Variants in FCHSD2 observed in about 807,000 individuals in gnomAD.
FCHSD2 encodes the protein FCH and double SH3 domains 2.
In FCHSD2, 38 loss-of-function variants were observed where a neutral mutation model predicts 108.1. That is an observed-to-expected ratio of 0.35 (90% CI 0.27 to 0.46). The LOEUF (loss-of-function observed/expected upper bound fraction) is 0.46, where lower values mean the gene tolerates loss of function less well. FCHSD2 is among the 20% of genes least tolerant of loss of function. The pLI, the probability that FCHSD2 is intolerant of heterozygous loss-of-function variation, is 1.00. For synonymous variants in FCHSD2, 279 were observed against 314.7 expected (o/e 0.89, Z 1.20); for missense variants, 751 against 897.8 (o/e 0.84, Z 2.09).
At chr11:72,990,458 A>C (rs552799415) in intron 5 of FCHSD2, among the ~76,000 whole-genome samples, 4 of 152,192 alleles carry the variant, frequency 2.6e-5, no homozygotes, top group Non-Finnish European at 4.4e-5. Context: ...GTTGGAAGTA[A>C]AGCACTCCTC....
chr11:73,129,500 G>A (rs576498751), intron 2 of FCHSD2, among the ~76,000 whole-genome samples: 2 of 152,282 alleles, frequency 1.3e-5, no homozygotes, highest in African/African-American at 2.4e-5. Context: ...CACATGCAAG[G>A]GATCTAGGTT....
chr11:72,889,965 A>T lies in FCHSD2; in HGVS notation c.925-20T>A. ...TCGGCTCTACAATACAAGAGAGAAC[A>T]GAGATAAAAATATTGCTATCCTTAT... On this transcript the variant is annotated intron_variant, in intron 10 of 19. Coordinates refer to ENST00000409418, the MANE Select transcript of FCHSD2 (RefSeq NM_014824.3). The T allele has an allele frequency of 6.8e-7, 1 of 1,473,416 alleles. No individual in the cohort carries two copies. Among genetic ancestry groups the T allele is most frequent in the African/African-American group, 1.4e-5 (1 of 72,332 alleles). 91.3% of individuals were successfully genotyped at this position (1,473,416 alleles called of 1,614,324 possible).
intron 3 of FCHSD2, among the ~76,000 whole-genome samples, chr11:73,068,909 G>C (rs1407151873): frequency 1.3e-5 from 2 of 151,524 alleles, no homozygotes; most frequent in African/African-American, 4.9e-5. Context: ...CAGCTACTTG[G>C]GAGGCTGAGG....
intron 9 of FCHSD2, among the ~76,000 whole-genome samples, chr11:72,919,581 GATTCAAGATAT>G (rs1855940630): frequency 6.6e-6 from 1 of 152,090 alleles, no homozygotes; most frequent in South Asian, 2.1e-4. Flanking sequence ...GACCTCATGG[GATTCAAGATAT>G]ATCCCATGCT....
intron 2 of FCHSD2, among the ~76,000 whole-genome samples, chr11:73,124,517 A>G (rs2135562888): frequency 6.6e-6 from 1 of 152,304 alleles, no homozygotes; most frequent in Non-Finnish European, 1.5e-5. Flanking sequence ...GCACTTTGGG[A>G]GGCCAAGGTA....
chr11:73,027,694 T>C (rs149209481), intron 3 of FCHSD2, among the ~76,000 whole-genome samples: 1 of 152,228 alleles, frequency 6.6e-6, no homozygotes, highest in Non-Finnish European at 1.5e-5. Flanking sequence ...TTCAGAGATG[T>C]TCGCTGCACT....
At chr11:73,098,747 T>C (rs1397321091) in intron 2 of FCHSD2, among the ~76,000 whole-genome samples, 1 of 152,236 alleles carries the variant, frequency 6.6e-6, no homozygotes, top group Non-Finnish European at 1.5e-5. Flanking sequence ...CCTATCTCAT[T>C]TCAAATATAA....
Position 72,949,175 on chromosome 11 carries a change from G to A in FCHSD2, c.706-27225C>T, listed in dbSNP as rs1370758951. 2.6e-5 allele frequency among the ~76,000 whole-genome samples: 4 copies of A among 152,092 alleles called. No homozygotes were observed. The South Asian group carries it at 6.2e-4, about 24-fold the overall frequency. Reference sequence around the variant, plus strand: ...ACCACAAAAAGAAACCTGGCCGGGCGTGGTGGCTCACGCCTGTAATCCCAG... The same window carrying A: ...ACCACAAAAAGAAACCTGGCCGGGCATGGTGGCTCACGCCTGTAATCCCAG... On this transcript the variant is annotated intron_variant, in intron 8 of 19. Coordinates refer to ENST00000409418, the MANE Select transcript of FCHSD2 (RefSeq NM_014824.3).
chr11:73,019,238 C>T (rs1190747415), intron 3 of FCHSD2, among the ~76,000 whole-genome samples: 1 of 152,116 alleles, frequency 6.6e-6, no homozygotes, highest in Non-Finnish European at 1.5e-5. Flanking sequence ...TGACAGCACT[C>T]TAAATTTATG....
In FCHSD2 at chr11:73,015,865, A is replaced by G. The variant is rs1857960267; in HGVS notation, c.186T>C (p.Ser62=). The G allele has an allele frequency of 6.2e-7, 1 of 1,600,864 alleles. No homozygotes were observed. The highest frequency in any genetic ancestry group is 8.5e-7 in the Non-Finnish European group (1 of 1,170,812). ...CAGGCCAATCTCTCTTCAGGTATTG[A>G]CTAGCCAACTTCTGCATACCCTGTT... is the stretch of plus-strand genomic sequence containing the variant. ...EYAQGMQKLA[S]QYLKRDWPGV... Residue 62 remains serine (S), a synonymous_variant, in exon 4 of 20, where the codon AGT becomes AGC. Transcript: ENST00000409418.
chr11:73,124,232 G>A (rs1003289747), intron 2 of FCHSD2, among the ~76,000 whole-genome samples: 4 of 152,248 alleles, frequency 2.6e-5, no homozygotes, highest in African/African-American at 9.6e-5. Context: ...GACACAGGAT[G>A]GGGAACATCA....
In FCHSD2 at chr11:73,072,355, C is replaced by G. The variant is rs545440808; in HGVS notation, c.165+11340G>C. Among the ~76,000 whole-genome samples, 53 of 151,938 alleles carry G rather than the reference C, an allele frequency of 3.5e-4. No homozygotes were observed. The Middle Eastern group carries it at 0.01, about 29-fold the overall frequency. On this transcript the variant is annotated intron_variant, in intron 3 of 19. Transcript: ENST00000409418. ...TAGCAAATCTATGTCCCCAAGAGTA[C>G]TAACATTTAATTATAGCCACCATTT...
Position 73,131,978 on chromosome 11 carries a change from C to G in FCHSD2, c.119+8053G>C, listed in dbSNP as rs532201423. On this transcript the variant is annotated intron_variant, in intron 2 of 19. Coordinates refer to ENST00000409418, the MANE Select transcript of FCHSD2 (RefSeq NM_014824.3). ...ATTTTTTTGAATCAGTCACTGACAT[C>G]CATATATTTCCACAAATTACCATCC... Among the ~76,000 whole-genome samples the G allele has an allele frequency of 1.4e-4, 21 of 152,282 alleles. No individual in the cohort carries two copies. In the South Asian group the frequency reaches 3.9e-3, roughly 29 times the overall value.
chr11:73,087,061 C>T (rs759942490), intron 2 of FCHSD2, among the ~76,000 whole-genome samples: 4 of 152,148 alleles, frequency 2.6e-5, no homozygotes, highest in African/African-American at 4.8e-5. Context: ...GGCATTGTAT[C>T]ATAGGAGATG....
chr11:72,983,758 G>A, intron 8 of FCHSD2: 1 of 457,110 alleles, frequency 2.2e-6, no homozygotes, highest in South Asian at 1.6e-5. Flanking sequence ...AAATAGCTCA[G>A]AAGTAGTTTC....
At chr11:73,035,823 C>A (rs954428963) in intron 3 of FCHSD2, among the ~76,000 whole-genome samples, 1 of 151,864 alleles carries the variant, frequency 6.6e-6, no homozygotes, top group Non-Finnish European at 1.5e-5. Context: ...CAGATTCAAG[C>A]AATTCTCCTG....
chr11:72,943,760 TACATA>T (rs1856466102), intron 8 of FCHSD2, among the ~76,000 whole-genome samples: 1 of 152,228 alleles, frequency 6.6e-6, no homozygotes, highest in East Asian at 1.9e-4. Context: ...CTGAATAAGA[TACATA>T]AACATTGTAT....
At chr11:73,019,674 T>C (rs909502376) in intron 3 of FCHSD2, among the ~76,000 whole-genome samples, 1 of 152,198 alleles carries the variant, frequency 6.6e-6, no homozygotes, top group Admixed American at 6.5e-5. Flanking sequence ...GTGTACTCCA[T>C]GCAGCTGTTC....
At chr11:73,139,750 A>G (rs749406715) in intron 2 of FCHSD2, among the ~76,000 whole-genome samples, 2 of 152,228 alleles carry the variant, frequency 1.3e-5, no homozygotes, top group Non-Finnish European at 2.9e-5. Context: ...CCGTGGAAAG[A>G]TTATTTAAAC....
Sources: allele counts gnomAD v4.1 joint callset (sites outside exome capture counted in the v4.1 genomes callset), GRCh38; gene constraint gnomAD v4.1.1; transcripts MANE v1.5; gene names NCBI Gene and HGNC (gene_info 2026-07-23, HGNC 2026-07-21).